The following RBMS1 variants were observed in gnomAD, a reference collection of about 807,000 sequenced individuals.
The protein encoded by RBMS1 is RNA-binding motif, single-stranded-interacting protein 1.
Under a neutral mutation model 62.3 loss-of-function variants are expected in RBMS1, and 17 were observed. That is an observed-to-expected ratio of 0.27 (90% CI 0.19 to 0.41). The LOEUF (loss-of-function observed/expected upper bound fraction) is 0.41. Ranked by LOEUF, RBMS1 falls within the 10% of genes least tolerant of loss-of-function variation. The probability of loss-of-function intolerance (pLI) is 1.00; values close to 1 mark genes in which losing one functional copy is unlikely to be tolerated. For missense variants in RBMS1, 334 were observed against 504.5 expected, an observed-to-expected ratio of 0.66 and a Z score of 3.24; for synonymous variants, 172 against 170.0, an observed-to-expected ratio of 1.01 and a Z score of -0.09.
chr2:160,280,426 G>A (rs563119729), intron 10 of RBMS1, among the ~76,000 whole-genome samples: 1 of 152,312 alleles, frequency 6.6e-6, no homozygotes, highest in Non-Finnish European at 1.5e-5. Flanking sequence ...TTCAGAACCT[G>A]TTATCCCTGG....
chr2:160,343,335 A>C (rs1344227891), intron 2 of RBMS1, among the ~76,000 whole-genome samples: 1 of 152,240 alleles, frequency 6.6e-6, no homozygotes, highest in African/African-American at 2.4e-5. Context: ...TAAAAAATTA[A>C]AAACAAGAAG....
At chr2:160,286,298 CCTTT>C (rs1268223898) in intron 7 of RBMS1, among the ~76,000 whole-genome samples, 5 of 139,346 alleles carry the variant, frequency 3.6e-5, no homozygotes, top group Admixed American at 7.0e-5. Flanking sequence ...CATGTTTCTT[CCTTT>C]CTTTTTTTTT....
chr2:160,385,800 T>G (rs1694539290), intron 1 of RBMS1, among the ~76,000 whole-genome samples: 1 of 152,178 alleles, frequency 6.6e-6, no homozygotes, highest in Non-Finnish European at 1.5e-5. Context: ...GATTATTAGA[T>G]GCAAGGAAGA....
chr2:160,450,580 C>CAAAAAAAAAAAAAAAAAAAAAAA (rs796115120), intron 1 of RBMS1, among the ~76,000 whole-genome samples: 1 of 120,822 alleles, frequency 8.3e-6, no homozygotes. Flanking sequence ...AAAAAAAAAA[C>CAAAAAAAAAAAAAAAAAAAAAAA]AAAAAACATT....
At chr2:160,429,241 T>C (rs571653501) in intron 1 of RBMS1, among the ~76,000 whole-genome samples, 2 of 152,340 alleles carry the variant, frequency 1.3e-5, no homozygotes, top group Admixed American at 1.3e-4. Context: ...TCCTTTTTTT[T>C]CATATAATAT....
intron 1 of RBMS1, among the ~76,000 whole-genome samples, chr2:160,415,380 G>A (rs1696174172): frequency 6.6e-6 from 1 of 152,052 alleles, no homozygotes; most frequent in Admixed American, 6.6e-5. Flanking sequence ...GTGGGTAAAA[G>A]ACAAGAGCTG....
intron 1 of RBMS1, among the ~76,000 whole-genome samples, chr2:160,410,839 G>T (rs1008432028): frequency 4.6e-5 from 7 of 152,200 alleles, no homozygotes; most frequent in African/African-American, 1.4e-4. Context: ...TGCCTCTCGG[G>T]TTCCAGCGAT....
At chr2:160,491,135 G>A (rs991959302) in intron 1 of RBMS1, among the ~76,000 whole-genome samples, 4 of 151,022 alleles carry the variant, frequency 2.6e-5, no homozygotes, top group South Asian at 2.1e-4. Flanking sequence ...TGCCTGTTCC[G>A]AACTCTGCTT....
At chr2:160,425,479 G>C (rs1682509809) in intron 1 of RBMS1, among the ~76,000 whole-genome samples, 1 of 152,152 alleles carries the variant, frequency 6.6e-6, no homozygotes, top group Admixed American at 6.5e-5. Context: ...ACCGGGTACT[G>C]TGCATGGAGA....
At chr2:160,492,691 G>C (rs1160527949) in intron 1 of RBMS1, among the ~76,000 whole-genome samples, 1 of 152,210 alleles carries the variant, frequency 6.6e-6, no homozygotes, top group Admixed American at 6.5e-5. Context: ...GTAGAAATCA[G>C]TAACCAGGTG....
At chr2:160,297,469 T>G (rs1024105506) in intron 6 of RBMS1, among the ~76,000 whole-genome samples, 5 of 152,248 alleles carry the variant, frequency 3.3e-5, no homozygotes, top group African/African-American at 1.2e-4. Flanking sequence ...TGTTGTTGCA[T>G]AGTATGGCTC....
chr2:160,280,438 T>C (rs1445301029), intron 10 of RBMS1, among the ~76,000 whole-genome samples: 2 of 152,242 alleles, frequency 1.3e-5, no homozygotes, highest in Non-Finnish European at 2.9e-5. Flanking sequence ...TATCCCTGGA[T>C]TGCTATTTCA....
chr2:160,302,663 C>G (rs1390693260), intron 5 of RBMS1: 1 of 152,058 alleles, frequency 6.6e-6, no homozygotes, highest in Non-Finnish European at 1.5e-5. Context: ...TGCCTTCCAC[C>G]AGGCCCAGTT....
intron 9 of RBMS1, chr2:160,283,467 C>T (rs1349963043): frequency 6.6e-6 from 1 of 152,034 alleles, no homozygotes; most frequent in East Asian, 1.9e-4. Context: ...AACATAAGAA[C>T]CCAGAGAGAA....
At chr2:160,281,385 A>C in intron 9 of RBMS1, 21 bp from the exon 10 acceptor site, 1 of 1,586,210 alleles carries the variant, frequency 6.3e-7, no homozygotes, top group South Asian at 1.1e-5. Flanking sequence ...GAGGATTTTG[A>C]AAGAAATATT....
chr2:160,440,005 G>A (rs954182471), intron 1 of RBMS1, among the ~76,000 whole-genome samples: 2 of 150,448 alleles, frequency 1.3e-5, no homozygotes, highest in African/African-American at 4.9e-5. Context: ...GATGGCAGCA[G>A]TACCGTCCAG....
chr2:160,392,424 C>G (rs764997908), intron 1 of RBMS1, among the ~76,000 whole-genome samples: 1 of 150,962 alleles, frequency 6.6e-6, no homozygotes, highest in African/African-American at 2.4e-5. Flanking sequence ...ACCTTATGGC[C>G]TACAAAGCTT....
At chr2:160,363,418 A>C (rs1233383326) in intron 2 of RBMS1, among the ~76,000 whole-genome samples, 1 of 152,164 alleles carries the variant, frequency 6.6e-6, no homozygotes, top group Non-Finnish European at 1.5e-5. Context: ...GTCCAAGCAC[A>C]AAGGAGGCAA....
At chr2:160,289,112 G>GA (rs1004953166) in intron 6 of RBMS1, among the ~76,000 whole-genome samples, 10 of 148,778 alleles carry the variant, frequency 6.7e-5, no homozygotes, top group Non-Finnish European at 7.5e-5. Context: ...GCCTGTCAAA[G>GA]AAAAAAAAAA....
Sources: allele counts gnomAD v4.1 joint callset (sites outside exome capture counted in the v4.1 genomes callset), GRCh38; gene constraint gnomAD v4.1.1; transcripts MANE v1.5; gene names NCBI Gene and HGNC (gene_info 2026-07-23, HGNC 2026-07-21).